NCK1: variants seen among roughly 807,000 people sequenced by gnomAD.
NCK1 encodes the protein SH2/SH3 adapter protein NCK1.
Under a neutral mutation model 36.6 loss-of-function variants are expected in NCK1, and 19 were observed. The ratio of observed to expected loss-of-function variants is 0.52; its 90% confidence interval spans 0.36 to 0.76. The LOEUF is 0.76. Among genes scored for constraint, NCK1 ranks in the 30% least tolerant of loss-of-function variants. NCK1 has a pLI of 0.00. For synonymous variants in NCK1, 165 were observed against 156.0 expected, an observed-to-expected ratio of 1.06 and a Z score of -0.43; for missense variants, 358 against 445.6, an observed-to-expected ratio of 0.80 and a Z score of 1.77.
intron 1 of NCK1, among the ~76,000 whole-genome samples, chr3:136,900,814 G>C (rs1287211877): frequency 2.0e-5 from 3 of 152,100 alleles, no homozygotes; most frequent in Non-Finnish European, 4.4e-5. Context: ...TTTTTTGGTG[G>C]AGTCTAGGTT....
chr3:136,876,947 C>T (rs764463773), intron 1 of NCK1, among the ~76,000 whole-genome samples: 7 of 152,144 alleles, frequency 4.6e-5, no homozygotes, highest in Non-Finnish European at 8.8e-5. Flanking sequence ...AAAAGACATT[C>T]CAATTTACAC....
intron 1 of NCK1, among the ~76,000 whole-genome samples, chr3:136,892,024 G>T (rs1327627183): frequency 6.6e-6 from 1 of 152,110 alleles, no homozygotes; most frequent in African/African-American, 2.4e-5. Context: ...GAGTAGCTAG[G>T]ACTATAGGTG....
chr3:136,904,481 C>T (rs114074681), intron 1 of NCK1, among the ~76,000 whole-genome samples: 2,574 of 152,316 alleles, frequency 0.017, 80 homozygotes, highest in African/African-American at 0.059. Flanking sequence ...TATATCATTT[C>T]ATTCTCTACT....
At chr3:136,887,684 G>T (rs1335296755) in intron 1 of NCK1, among the ~76,000 whole-genome samples, 3 of 152,118 alleles carry the variant, frequency 2.0e-5, no homozygotes, top group Non-Finnish European at 2.9e-5. Flanking sequence ...AAAATTGGTG[G>T]TAGAATTTTT....
At chr3:136,899,479 T>C (rs1939484303) in intron 1 of NCK1, 3 of 367,372 alleles carry the variant, frequency 8.2e-6, no homozygotes, top group Admixed American at 3.4e-5. Context: ...TCTTTGTCAT[T>C]ATCCTCACTC....
At chr3:136,915,723 T>C (rs1406279204) in intron 1 of NCK1, among the ~76,000 whole-genome samples, 5 of 151,460 alleles carry the variant, frequency 3.3e-5, no homozygotes, top group African/African-American at 1.2e-4. Flanking sequence ...CAAACACTTT[T>C]GCTTTTGTTT....
chr3:136,912,381 A>G (rs1939850260), intron 1 of NCK1, among the ~76,000 whole-genome samples: 1 of 151,788 alleles, frequency 6.6e-6, no homozygotes, highest in African/African-American at 2.4e-5. Context: ...CCAGGCTGGT[A>G]GCCATTAGTT....
At chr3:136,924,595 C>T (rs1052713445) in intron 1 of NCK1, among the ~76,000 whole-genome samples, 2 of 152,156 alleles carry the variant, frequency 1.3e-5, no homozygotes, top group South Asian at 4.1e-4. Flanking sequence ...AATAAAGGAA[C>T]ACCTTTTCAA....
chr3:136,927,543 GAC>G (rs1393405495), intron 1 of NCK1, among the ~76,000 whole-genome samples: 2 of 151,492 alleles, frequency 1.3e-5, no homozygotes, highest in Admixed American at 6.6e-5. Context: ...GATTGATTGA[GAC>G]AGATTCTCCC....
intron 1 of NCK1, among the ~76,000 whole-genome samples, chr3:136,910,361 T>C (rs946854199): frequency 6.6e-6 from 1 of 152,230 alleles, no homozygotes; most frequent in Non-Finnish European, 1.5e-5. Flanking sequence ...TTGGTTATTT[T>C]ATGCATTTGT....
At chr3:136,916,522 C>T (rs752239151) in intron 1 of NCK1, among the ~76,000 whole-genome samples, 2 of 152,042 alleles carry the variant, frequency 1.3e-5, no homozygotes, top group Non-Finnish European at 2.9e-5. Context: ...TTCAAGTAAG[C>T]ATATTCAGGT....
At chr3:136,892,382 C>A (rs558087827) in intron 1 of NCK1, among the ~76,000 whole-genome samples, 1 of 152,290 alleles carries the variant, frequency 6.6e-6, no homozygotes, top group African/African-American at 2.4e-5. Context: ...CAGTTTGACT[C>A]TTTTCGGTTG....
chr3:136,888,332 C>T (rs994324428), intron 1 of NCK1, among the ~76,000 whole-genome samples: 8 of 152,150 alleles, frequency 5.3e-5, no homozygotes, highest in Non-Finnish European at 7.3e-5. Context: ...ACATACTATA[C>T]AGTTCACTCA....
intron 2 of NCK1, among the ~76,000 whole-genome samples, chr3:136,934,153 T>C (rs1011146383): frequency 2.0e-5 from 3 of 151,164 alleles, no homozygotes; most frequent in Admixed American, 1.3e-4. Flanking sequence ...TATGAATTTA[T>C]TTTTTTACAC....
chr3:136,867,108 CTTTCTTTCTTTGTTTCTTTCT>C (rs1284359154), intron 1 of NCK1, among the ~76,000 whole-genome samples: 671 of 30,812 alleles, frequency 0.022, 59 homozygotes, highest in African/African-American at 0.034. Flanking sequence ...TTCTTTCTTT[CTTTCTTTCTTTGTTTCTTTCT>C]TTCCTTCCTT....
intron 2 of NCK1, among the ~76,000 whole-genome samples, chr3:136,935,225 A>G (rs190689676): frequency 1.3e-5 from 2 of 152,336 alleles, no homozygotes; most frequent in African/African-American, 4.8e-5. Context: ...ATGTGTAATT[A>G]GTCTTAGACA....
chr3:136,937,302 A>T (rs1403991319), intron 2 of NCK1, among the ~76,000 whole-genome samples: 1 of 152,124 alleles, frequency 6.6e-6, no homozygotes, highest in Non-Finnish European at 1.5e-5. Flanking sequence ...AGGACTCTCG[A>T]TTCTATTTCA....
At chr3:136,886,815 G>A (rs1353828287) in intron 1 of NCK1, among the ~76,000 whole-genome samples, 1 of 83,746 alleles carries the variant, frequency 1.2e-5, no homozygotes, top group Non-Finnish European at 2.5e-5. Flanking sequence ...TACATGATCA[G>A]TCTTTTTTTT....
chr3:136,913,056 T>G (rs1433091967), intron 1 of NCK1, among the ~76,000 whole-genome samples: 2 of 152,178 alleles, frequency 1.3e-5, no homozygotes, highest in Admixed American at 1.3e-4. Context: ...TTGAACACCT[T>G]TAAGGTAGCT....
Sources: gnomAD v4.1 joint callset for allele counts (sites outside exome capture counted in the v4.1 genomes callset) on GRCh38, gnomAD v4.1.1 for gene constraint, MANE v1.5 for transcripts, NCBI Gene and HGNC (gene_info 2026-07-23, HGNC 2026-07-21) for gene names.